Variants in RPTOR observed in about 807,000 individuals in gnomAD.
RPTOR encodes the protein regulatory-associated protein of mTOR.
RPTOR carries 21 observed loss-of-function variants against 169.9 expected under a neutral mutation model. The ratio of observed to expected loss-of-function variants is 0.12; its 90% CI spans 0.09 to 0.18. The LOEUF (loss-of-function observed/expected upper bound fraction) is 0.18. Ranked by LOEUF, RPTOR falls within the 10% of genes least tolerant of loss-of-function variation. The pLI, the probability that RPTOR is intolerant of heterozygous loss-of-function variation, is 1.00. For synonymous variants in RPTOR, 732 were observed against 753.2 expected (o/e 0.97, Z 0.46); for missense variants, 1,133 against 1,855.9 (o/e 0.61, Z 7.16).
chr17:80,961,355 CAGGGA>C (rs1219105770), intron 30 of RPTOR, 34 bp from the exon 31 acceptor site: 1 of 1,523,770 alleles, frequency 6.6e-7, no homozygotes, highest in Admixed American at 2.0e-5. Context: ...GGACGTCCTT[CAGGGA>C]AGCCCCACGC....
rs773686997 is a variant in RPTOR, at chr17:80,822,185, G to A, written c.891-16G>A. 14 of 1,611,832 alleles carry A rather than the reference G, an allele frequency of 8.7e-6. No individual in the cohort carries two copies. The highest frequency in any genetic ancestry group is 1.7e-5 in the Admixed American group (1 of 59,992). ...GAGCTGTGGCATCACTCATGAGAAC[G>A]CCCCTTGTTTTCTAGGATCCCTGGC... is the stretch of plus-strand genomic sequence containing the variant. On this transcript the variant is annotated splice_polypyrimidine_tract_variant and intron_variant, in intron 7 of 33. Coordinates refer to ENST00000306801, the MANE Select transcript of RPTOR (RefSeq NM_020761.3).
At chr17:80,907,118 C>T (rs768416632) in intron 20 of RPTOR, among the ~76,000 whole-genome samples, 49 of 152,242 alleles carry the variant, frequency 3.2e-4, no homozygotes, top group Non-Finnish European at 4.7e-4. Context: ...ACTCCACGTG[C>T]GCAGCTGTGT....
At chr17:80,886,823 G>A (rs2068253227) in intron 17 of RPTOR, among the ~76,000 whole-genome samples, 1 of 152,212 alleles carries the variant, frequency 6.6e-6, no homozygotes, top group East Asian at 1.9e-4. Context: ...AGCTGTCTCG[G>A]GGATGCTGGG....
In RPTOR at chr17:80,892,609, C is replaced by T. The variant is rs1010272547; in HGVS notation, c.2102-120C>T. ...CTGAGCTGTGCAGCCCCTGCTCTGA[C>T]ATTTGTTGCAGCACAGGTAGCAGCT... On this transcript the variant is annotated intron_variant, in intron 18 of 33. Coordinates refer to ENST00000306801, the MANE Select transcript of RPTOR (RefSeq NM_020761.3). 121 of 1,118,998 alleles carry T rather than the reference C, an allele frequency of 1.1e-4. 1 individual carries two copies. Among genetic ancestry groups the T allele is most frequent in the Non-Finnish European group, 1.5e-4 (114 of 763,484 alleles). The allele number at this position is 1,118,998 out of a possible 1,614,324, so 69.3% of individuals were successfully genotyped here. A position where few individuals can be genotyped will look rare whatever the true frequency, so the allele number is the denominator to read the frequency against.
chr17:80,792,771 T>C (rs951912335), intron 7 of RPTOR, among the ~76,000 whole-genome samples: 2 of 152,156 alleles, frequency 1.3e-5, no homozygotes, highest in Non-Finnish European at 2.9e-5. Context: ...TTTGCGAAGC[T>C]GTTCTTGAGA....
chr17:80,923,719 C>T, intron 23 of RPTOR, 46 bp downstream of exon 23: 5 of 1,499,276 alleles, frequency 3.3e-6, no homozygotes, highest in Non-Finnish European at 4.5e-6. Flanking sequence ...GAGAGCGTTG[C>T]TTCTCAGATG....
At chr17:80,703,488 C>T (rs2066118540) in intron 3 of RPTOR, among the ~76,000 whole-genome samples, 1 of 152,190 alleles carries the variant, frequency 6.6e-6, no homozygotes, top group Non-Finnish European at 1.5e-5. Flanking sequence ...AGGTGGCTCA[C>T]TTCCCCTGGC....
chr17:80,742,516 C>G (rs550218912), intron 5 of RPTOR, among the ~76,000 whole-genome samples: 48 of 152,030 alleles, frequency 3.2e-4, no homozygotes, highest in African/African-American at 1.1e-3. Flanking sequence ...TGCACATAGA[C>G]AACACATGCA....
At chr17:80,734,125 G>A (rs1054192688) in intron 5 of RPTOR, among the ~76,000 whole-genome samples, 60 of 152,206 alleles carry the variant, frequency 3.9e-4, no homozygotes, top group Middle Eastern at 3.2e-3. Flanking sequence ...CTAGAGTACT[G>A]TGATTTCCAT....
intron 11 of RPTOR, among the ~76,000 whole-genome samples, chr17:80,847,735 G>A (rs1446794892): frequency 6.6e-6 from 1 of 152,212 alleles, no homozygotes; most frequent in Non-Finnish European, 1.5e-5. Flanking sequence ...AAAGCAGATC[G>A]GGTGGTGGTA....
At chr17:80,602,562 A>G in intron 1 of RPTOR, 10 of 588,840 alleles carry the variant, frequency 1.7e-5, no homozygotes, top group Non-Finnish European at 3.2e-5. Context: ...GTTCTCATCC[A>G]CATTGACTGT....
At chr17:80,709,575 C>T (rs1021803474) in intron 4 of RPTOR, among the ~76,000 whole-genome samples, 2 of 152,284 alleles carry the variant, frequency 1.3e-5, no homozygotes, top group African/African-American at 4.8e-5. Flanking sequence ...CATTCGCTGT[C>T]CCCTGCCGGG....
chr17:80,880,811 G>A (rs980457003), intron 14 of RPTOR, among the ~76,000 whole-genome samples: 10 of 152,160 alleles, frequency 6.6e-5, no homozygotes, highest in Admixed American at 5.2e-4. Flanking sequence ...CCTGCTGTCC[G>A]CCGCGTTAGA....
chr17:80,753,755 A>G (rs570806133), intron 5 of RPTOR, among the ~76,000 whole-genome samples: 37 of 152,234 alleles, frequency 2.4e-4, no homozygotes, highest in African/African-American at 8.7e-4. Flanking sequence ...AACCGGGAAG[A>G]AAACAGAGTT....
intron 7 of RPTOR, among the ~76,000 whole-genome samples, chr17:80,807,604 G>A (rs1306072329): frequency 6.6e-6 from 1 of 152,074 alleles, no homozygotes; most frequent in Non-Finnish European, 1.5e-5. Flanking sequence ...CGCCCACCTT[G>A]GCTTCCCAAA....
chr17:80,859,566 G>A (rs1280657960), intron 13 of RPTOR, among the ~76,000 whole-genome samples: 1 of 152,218 alleles, frequency 6.6e-6, no homozygotes, highest in Admixed American at 6.5e-5. Flanking sequence ...GTGCCGCCAC[G>A]GGTGAGGAGA....
chr17:80,894,775 G>A (rs2068377388), intron 20 of RPTOR, among the ~76,000 whole-genome samples: 2 of 152,130 alleles, frequency 1.3e-5, no homozygotes, highest in South Asian at 4.1e-4. Flanking sequence ...GTGTGTGTGT[G>A]TGTGTGTTGT....
intron 3 of RPTOR, among the ~76,000 whole-genome samples, chr17:80,685,528 C>T (rs1357840608): frequency 3.4e-5 from 5 of 145,478 alleles, no homozygotes; most frequent in African/African-American, 1.3e-4. Flanking sequence ...CCATCCTTGG[C>T]CTCCCAAAGT....
At chr17:80,578,367 G>C (rs1022224695) in intron 1 of RPTOR, among the ~76,000 whole-genome samples, 22 of 152,178 alleles carry the variant, frequency 1.4e-4, no homozygotes, top group African/African-American at 4.8e-4. Flanking sequence ...TCTCCAAAGT[G>C]GCGTGTCAGC....
Sources: allele counts gnomAD v4.1 joint callset (sites outside exome capture counted in the v4.1 genomes callset), GRCh38; gene constraint gnomAD v4.1.1; transcripts MANE v1.5; gene names NCBI Gene and HGNC (gene_info 2026-07-23, HGNC 2026-07-21).